MTMR6: variants seen among roughly 807,000 people sequenced by gnomAD.
The protein encoded by MTMR6 is myotubularin related protein 6, also known as phosphatidylinositol-3,5-bisphosphate 3-phosphatase MTMR6.
A neutral mutation model predicts 80.1 loss-of-function variants in MTMR6; 47 were observed. The ratio of observed to expected loss-of-function variants is 0.59; its 90% CI spans 0.46 to 0.75. The LOEUF is 0.75. Ranked by LOEUF, MTMR6 falls within the 30% of genes least tolerant of loss-of-function variation. The pLI, the probability that MTMR6 is intolerant of heterozygous loss-of-function variation, is 0.00. For missense variants in MTMR6, 629 were observed against 730.9 expected (o/e 0.86, Z 1.61); for synonymous variants, 254 against 253.0 (o/e 1.00, Z -0.04).
intron 5 of MTMR6, 75 bp downstream of exon 5, chr13:25,265,744 A>G (rs1957440031): frequency 6.7e-7 from 1 of 1,501,110 alleles, no homozygotes; most frequent in Non-Finnish European, 9.0e-7. Flanking sequence ...AAAAAAAAAA[A>G]AAGTGTTATT....
rs201622279 is a variant in MTMR6, at chr13:25,274,116, C to T, written c.96G>A (p.Thr32=). ...NKSLTGTLYL[T]ATHLLFIDSH... ...AGTCGATAAATAATAGATGTGTAGC[C>T]GTAAGATACAGTGTTCCTGTTAATG... The change falls in exon 2 of 14, where the codon ACG becomes ACA. Residue 32 remains threonine (T), a synonymous_variant. Transcript: ENST00000381801. 30 of 1,612,708 alleles carry T rather than the reference C, an allele frequency of 1.9e-5. No individual in the cohort carries two copies. The highest frequency in any genetic ancestry group is 2.3e-5 in the Non-Finnish European group (27 of 1,179,370).
intron 9 of MTMR6, among the ~76,000 whole-genome samples, chr13:25,256,389 C>T (rs1957209570): frequency 2.0e-5 from 3 of 152,200 alleles, no homozygotes; most frequent in Admixed American, 6.5e-5. Flanking sequence ...CCCGCTTGGC[C>T]TGTCCCAGAG....
intron 11 of MTMR6, among the ~76,000 whole-genome samples, chr13:25,252,201 C>A (rs1399235003): frequency 6.6e-6 from 1 of 151,094 alleles, no homozygotes; most frequent in Non-Finnish European, 1.5e-5. Flanking sequence ...TTGAACACAA[C>A]ACAGGTATAA....
chr13:25,281,287 T>C (rs1199712838), intron 1 of MTMR6, among the ~76,000 whole-genome samples: 130 of 151,762 alleles, frequency 8.6e-4, no homozygotes, highest in Non-Finnish European at 1.0e-4. Flanking sequence ...CAATGAGTTA[T>C]GATCATACCA....
At chr13:25,249,667 A>C (rs1422384720) in intron 13 of MTMR6, among the ~76,000 whole-genome samples, 175 bp from the exon 14 acceptor site, 1 of 152,224 alleles carries the variant, frequency 6.6e-6, no homozygotes, top group Non-Finnish European at 1.5e-5. Context: ...CTAATTGTGT[A>C]CAATTTTTTG....
In MTMR6 at chr13:25,257,796, C is replaced by T; in HGVS notation, c.909G>A (p.Glu303=). The change falls in exon 8 of 14, where the codon GAG becomes GAA. Residue 303 remains glutamate (E), a synonymous_variant. Transcript: ENST00000381801. ...LSVNDFYSGL[E]SSGWLRHIKA... The stretch of plus-strand genomic sequence containing the variant: ...TGATATGGCGAAGCCATCCCGAGCT[C>T]TCCAAACCGGAGTAGAAATCATTGA... The T allele has an allele frequency of 6.2e-7, 1 of 1,613,948 alleles. No individual in the cohort carries two copies. Among genetic ancestry groups the T allele is most frequent in the African/African-American group, 1.3e-5 (1 of 75,052 alleles).
At chr13:25,270,529 G>A (rs181117259) in intron 2 of MTMR6, among the ~76,000 whole-genome samples, 59 of 152,254 alleles carry the variant, frequency 3.9e-4, no homozygotes, top group Non-Finnish European at 4.6e-4. Flanking sequence ...ATATCTCTAC[G>A]AGATGGATAA....
intron 13 of MTMR6, 41 bp from the exon 14 acceptor site, chr13:25,249,533 A>C (rs1957043018): frequency 6.3e-7 from 1 of 1,587,986 alleles, no homozygotes; most frequent in Non-Finnish European, 8.6e-7. Flanking sequence ...TAATTGCATA[A>C]GCCACAATAT....
chr13:25,252,818 T>C (rs1047191624), intron 11 of MTMR6, among the ~76,000 whole-genome samples: 31 of 152,344 alleles, frequency 2.0e-4, no homozygotes, highest in African/African-American at 7.0e-4. Flanking sequence ...TGTTCTTTGA[T>C]TGTTCATCTC....
At chr13:25,267,550 T>C (rs1242086396) in intron 3 of MTMR6, among the ~76,000 whole-genome samples, 1 of 152,224 alleles carries the variant, frequency 6.6e-6, no homozygotes, top group African/African-American at 2.4e-5. Flanking sequence ...AAGTCTCTAC[T>C]ATAAATGCTT....
At chr13:25,256,913 G>T (rs1957220212) in intron 9 of MTMR6, among the ~76,000 whole-genome samples, 2 of 152,032 alleles carry the variant, frequency 1.3e-5, no homozygotes, top group Admixed American at 1.3e-4. Flanking sequence ...AAAGCTTATT[G>T]TCAGTGTTAG....
Position 25,285,753 on chromosome 13 carries a change from C to T in MTMR6, c.24+1471G>A, listed in dbSNP as rs138391184. The stretch of plus-strand genomic sequence containing the variant: ...TTTGCCAGGTTGTCCAGGCTGGTCT[C>T]GAACTCCTTACCTCAAGTGATCCGC... On this transcript the variant is annotated intron_variant, in intron 1 of 13. Coordinates refer to ENST00000381801, the MANE Select transcript of MTMR6 (RefSeq NM_004685.5). Among the ~76,000 whole-genome samples, 912 of 152,158 alleles carry T rather than the reference C, an allele frequency of 6.0e-3. 13 individuals are homozygous for T. The highest frequency in any genetic ancestry group is 0.021 in the African/African-American group (863 of 41,504).
intron 5 of MTMR6, among the ~76,000 whole-genome samples, chr13:25,263,283 T>C (rs1051363068): frequency 1.2e-4 from 18 of 152,058 alleles, no homozygotes; most frequent in African/African-American, 4.1e-4. Context: ...GGTATATAAC[T>C]GAAAAAAAGG....
At chr13:25,256,791 T>G (rs1395721420) in intron 9 of MTMR6, among the ~76,000 whole-genome samples, 1 of 152,230 alleles carries the variant, frequency 6.6e-6, no homozygotes, top group Non-Finnish European at 1.5e-5. Flanking sequence ...TTTTAAGTAC[T>G]CTTATTTGTG....
chr13:25,280,114 A>C (rs1353961113), intron 1 of MTMR6, among the ~76,000 whole-genome samples: 1 of 152,204 alleles, frequency 6.6e-6, no homozygotes, highest in African/African-American at 2.4e-5. Context: ...GGAAGAAAGG[A>C]GGAAAAACAG....
chr13:25,286,213 G>C (rs1434947105), intron 1 of MTMR6, among the ~76,000 whole-genome samples: 2 of 151,890 alleles, frequency 1.3e-5, no homozygotes, highest in Non-Finnish European at 2.9e-5. Context: ...CCTTTAAAAG[G>C]TTTGTGAAAC....
intron 9 of MTMR6, among the ~76,000 whole-genome samples, chr13:25,256,757 TAGA>T (rs886783937): frequency 6.6e-6 from 1 of 152,252 alleles, no homozygotes; most frequent in African/African-American, 2.4e-5. Flanking sequence ...GTGTTTTAAA[TAGA>T]AGGTTTCCTT....
intron 1 of MTMR6, among the ~76,000 whole-genome samples, chr13:25,276,266 T>G (rs1274322119): frequency 1.3e-5 from 2 of 152,134 alleles, no homozygotes; most frequent in African/African-American, 2.4e-5. Context: ...AAGAAGACAG[T>G]TGATGAATAT....
intron 13 of MTMR6, among the ~76,000 whole-genome samples, chr13:25,250,037 G>A (rs796746008): frequency 6.6e-6 from 1 of 152,066 alleles, no homozygotes; most frequent in Non-Finnish European, 1.5e-5. Context: ...GGACTGTCCC[G>A]ATAATCTTGT....
Sources: allele counts gnomAD v4.1 joint callset (sites outside exome capture counted in the v4.1 genomes callset), GRCh38; gene constraint gnomAD v4.1.1; transcripts MANE v1.5; gene names NCBI Gene and HGNC (gene_info 2026-07-23, HGNC 2026-07-21).